The following SMARCAL1 variants were observed in gnomAD, a reference collection of about 807,000 sequenced individuals.
SMARCAL1 encodes ATP-driven annealing helicase.
A neutral mutation model predicts 94.5 loss-of-function variants in SMARCAL1; 58 were observed. The observed-to-expected ratio is 0.61, with a 90% confidence interval of 0.50 to 0.76. The LOEUF (loss-of-function observed/expected upper bound fraction) is 0.76, where lower values mean the gene tolerates loss of function less well. SMARCAL1 is among the 30% of genes least tolerant of loss of function. The pLI is 0.00. For missense variants in SMARCAL1, 1,051 were observed against 1,177.9 expected (o/e 0.89, Z 1.58); for synonymous variants, 422 against 455.1 (o/e 0.93, Z 0.93).
At chr2:216,423,587 G>A (rs1693770293) in intron 5 of SMARCAL1, 46 bp from the exon 6 acceptor site, 1 of 1,487,844 alleles carries the variant, frequency 6.7e-7, no homozygotes, top group African/African-American at 1.4e-5. Context: ...TCACGTAGCA[G>A]AAGGGCAGGG....
chr2:216,434,811 C>T (rs1477759665), intron 8 of SMARCAL1, among the ~76,000 whole-genome samples: 1 of 151,176 alleles, frequency 6.6e-6, no homozygotes, highest in East Asian at 1.9e-4. Flanking sequence ...TGCCACTGTA[C>T]TCCAGCCTGG....
In SMARCAL1 at chr2:216,478,268, A is replaced by G; in HGVS notation, c.2594A>G (p.Glu865Gly). The G allele has an allele frequency of 6.2e-7, 1 of 1,614,130 alleles. No individual in the cohort carries two copies. Among genetic ancestry groups the G allele is most frequent in the Non-Finnish European group, 8.5e-7 (1 of 1,179,982 alleles). Reference protein sequence around the residue: ...EAGLSETNFSEMTESTDYLYK... With the variant: ...EAGLSETNFSGMTESTDYLYK... ...GGGCTTTCTGAGACCAATTTTTCAGAAATGACAGAATCCACTGATTACCTC... is the reference window on the plus strand; with the variant it reads ...GGGCTTTCTGAGACCAATTTTTCAGGAATGACAGAATCCACTGATTACCTC... The change falls in exon 17 of 18, where the codon GAA becomes GGA. Residue 865 changes from glutamate to glycine, a missense_variant. Glu to Gly is a moderately conservative substitution (Grantham distance 98). This residue lies in a region of SMARCAL1 where 642 missense variants were observed against 754.7 expected (regional missense o/e 0.85). Coordinates refer to ENST00000357276, the MANE Select transcript of SMARCAL1 (RefSeq NM_014140.4).
At chr2:216,428,979 G>T (rs1021594033) in intron 7 of SMARCAL1, among the ~76,000 whole-genome samples, 197 bp downstream of exon 7, 1 of 152,174 alleles carries the variant, frequency 6.6e-6, no homozygotes, top group Non-Finnish European at 1.5e-5. Context: ...AATTCCATGG[G>T]TTAATCAAGA....
chr2:216,454,685 T>C (rs1694522285), intron 12 of SMARCAL1, among the ~76,000 whole-genome samples: 1 of 152,216 alleles, frequency 6.6e-6, no homozygotes, highest in South Asian at 2.1e-4. Context: ...GTTGTTATTT[T>C]TATTACTATA....
In SMARCAL1 at chr2:216,432,823, G is replaced by C. The variant is rs367557310; in HGVS notation, c.1440G>C (p.Pro480=). 1 of 1,614,212 alleles carries C rather than the reference G, an allele frequency of 6.2e-7. No individual in the cohort carries two copies. The highest frequency in any genetic ancestry group is 8.5e-7 in the Non-Finnish European group (1 of 1,180,038). The change falls in exon 8 of 18, where the codon CCG becomes CCC. Residue 480 remains proline (P), a synonymous_variant. Coordinates refer to ENST00000357276, the MANE Select transcript of SMARCAL1 (RefSeq NM_014140.4). ...CAGCCTTTTACCGGAAGGAGTGGCC[G>C]CTCCTGGTGGTGGTGCCATCCTCCG... ...CIAAFYRKEW[P]LLVVVPSSVR... is the part of the protein sequence containing the mutation.
At chr2:216,443,242 C>T (rs1274719372) in intron 10 of SMARCAL1, among the ~76,000 whole-genome samples, 7 of 151,530 alleles carry the variant, frequency 4.6e-5, no homozygotes, top group Non-Finnish European at 7.4e-5. Context: ...TGGTCTGCGC[C>T]TATAATCCCA....
At chr2:216,464,751 G>A in intron 13 of SMARCAL1, 84 bp downstream of exon 13, 3 of 959,194 alleles carry the variant, frequency 3.1e-6, no homozygotes, top group South Asian at 2.6e-5. Flanking sequence ...CTGCCTGAAT[G>A]ATTTTACTGC....
At chr2:216,431,332 C>G (rs1264315043) in intron 7 of SMARCAL1, among the ~76,000 whole-genome samples, 1 of 152,220 alleles carries the variant, frequency 6.6e-6, no homozygotes, top group African/African-American at 2.4e-5. Flanking sequence ...ATCCCAGCGG[C>G]TTATTATCAG....
rs753055817 is a variant in SMARCAL1, at chr2:216,438,379, A to G, written c.1645-41A>G. The stretch of plus-strand genomic sequence containing the variant: ...AAGTGACCCATATTTCTGTCCACTC[A>G]GGATTGGATCTTGTACACTTATGTG... On this transcript the variant is annotated intron_variant, in intron 9 of 17. Transcript: ENST00000357276. 9 of 1,565,010 alleles carry G rather than the reference A, an allele frequency of 5.8e-6. No homozygotes were observed. In the South Asian group the frequency reaches 1.0e-4, roughly 17 times the overall value.
chr2:216,415,675 A>G (rs1289517809), intron 3 of SMARCAL1, among the ~76,000 whole-genome samples, 160 bp downstream of exon 3: 1 of 152,066 alleles, frequency 6.6e-6, no homozygotes, highest in Non-Finnish European at 1.5e-5. Flanking sequence ...CCTTCATAAT[A>G]GTCATTCCCT....
At position 216,453,268 on chromosome 2, in the gene SMARCAL1, C is replaced by A. The variant is rs372881174; in HGVS notation, c.2070+2204C>A. On this transcript the variant is annotated intron_variant, in intron 12 of 17. Coordinates refer to ENST00000357276, the MANE Select transcript of SMARCAL1 (RefSeq NM_014140.4). ...AGTCTTAGGAAAGTTAAACGTTTAT[C>A]CCTGAAAGATAGAGATTGAGTTGGT... 9.2e-5 allele frequency among the ~76,000 whole-genome samples: 14 copies of A among 152,340 alleles called. No homozygotes were observed. In the East Asian group the frequency reaches 2.3e-3, roughly 25 times the overall value.
intron 14 of SMARCAL1, among the ~76,000 whole-genome samples, chr2:216,471,301 G>T (rs1694960270): frequency 6.6e-6 from 1 of 151,628 alleles, no homozygotes; most frequent in Non-Finnish European, 1.5e-5. Flanking sequence ...AGGAAAAATT[G>T]ATTTGAATTA....
intron 17 of SMARCAL1, among the ~76,000 whole-genome samples, chr2:216,479,574 A>AT (rs1310812556): frequency 1.0e-3 from 127 of 124,836 alleles, no homozygotes; most frequent in Non-Finnish European, 6.9e-4. Flanking sequence ...CTTTGCAAGG[A>AT]TTTATTTGCT....
At chr2:216,462,160 C>T (rs1320339994) in intron 12 of SMARCAL1, among the ~76,000 whole-genome samples, 1 of 152,208 alleles carries the variant, frequency 6.6e-6, no homozygotes, top group African/African-American at 2.4e-5. Flanking sequence ...TCTTCATACT[C>T]TCATCAACTC....
chr2:216,470,075 GT>G (rs1030469519), intron 14 of SMARCAL1, among the ~76,000 whole-genome samples: 2 of 151,876 alleles, frequency 1.3e-5, no homozygotes, highest in Non-Finnish European at 2.9e-5. Context: ...CTGTTGGATT[GT>G]TTTTTTCTTA....
Position 216,482,658 on chromosome 2 carries a change from CTCA to C in SMARCAL1, c.2626-76_2626-74del. 1 of 1,589,454 alleles carries C rather than the reference CTCA, an allele frequency of 6.3e-7. No homozygotes were observed. The highest frequency in any genetic ancestry group is 2.2e-5 in the East Asian group (1 of 44,774). On this transcript the variant is annotated intron_variant, in intron 17 of 17. Coordinates refer to ENST00000357276, the MANE Select transcript of SMARCAL1 (RefSeq NM_014140.4). This position sits in a 1 kb window ranked among gnomAD's most constrained non-coding sequence, Gnocchi z 4.3. ...GTGTGGTCTCTCATCTTTATATTCT[CTCA>C]TCAGCCCTAGTGGAGGAGAGTCAGT... is the stretch of plus-strand genomic sequence containing the variant.
intron 12 of SMARCAL1, among the ~76,000 whole-genome samples, chr2:216,457,213 G>C (rs1694586564): frequency 6.6e-6 from 1 of 152,140 alleles, no homozygotes; most frequent in South Asian, 2.1e-4. Context: ...CCTACAAAGA[G>C]ACTTAGACTC....
intron 9 of SMARCAL1, among the ~76,000 whole-genome samples, chr2:216,435,918 A>C (rs976902391): frequency 6.6e-6 from 1 of 151,752 alleles, no homozygotes; most frequent in African/African-American, 2.4e-5. Context: ...GTGAAGATAC[A>C]CCCCCACCCC....
In SMARCAL1 at chr2:216,447,064, G is replaced by C. The variant is rs766857853; in HGVS notation, c.1757G>C (p.Arg586Pro). ...TTGTCGGGCACACCAGCCATGTCCC[G>C]GCCCGCAGAGCTCTACACGCAGATC... Reference protein sequence around the residue: ...ILLSGTPAMSRPAELYTQIIA... With the variant: ...ILLSGTPAMSPPAELYTQIIA... Residue 586 changes from arginine to proline, a missense_variant, in exon 11 of 18, where the codon CGG (arginine) becomes CCG (proline). Around this residue, in one of 3 missense-constraint regions of SMARCAL1, gnomAD observed 642 missense variants for 754.7 expected, o/e 0.85. Transcript: ENST00000357276. 6.2e-7 allele frequency: 1 copy of C among 1,604,440 alleles called. No homozygotes were observed. Among genetic ancestry groups the C allele is most frequent in the Non-Finnish European group, 8.5e-7 (1 of 1,176,030 alleles).
Sources: gnomAD v4.1 joint callset for allele counts (sites outside exome capture counted in the v4.1 genomes callset) on GRCh38, gnomAD v4.1.1 for gene constraint, gnomAD v4.1.1 regional missense constraint, Gnocchi (gnomAD v3.1) non-coding constraint, MANE v1.5 for transcripts, NCBI Gene and HGNC (gene_info 2026-07-23, HGNC 2026-07-21) for gene names.